The following TPR variants were observed in gnomAD, a reference collection of about 807,000 sequenced individuals.
TPR encodes nucleoprotein TPR.
A neutral mutation model predicts 316.1 loss-of-function variants in TPR; 51 were observed. The observed-to-expected ratio is 0.16, with a 90% CI of 0.13 to 0.20. TPR has a LOEUF of 0.20. Ranked by LOEUF, TPR falls within the 10% of genes least tolerant of loss-of-function variation. The probability of loss-of-function intolerance (pLI) is 1.00; values close to 1 mark genes in which losing one functional copy is unlikely to be tolerated. For missense variants in TPR, 2,272 were observed against 2,754.8 expected (o/e 0.82, Z 3.92); for synonymous variants, 981 against 914.7 (o/e 1.07, Z -1.31).
rs1658673888 is a variant in TPR at position 186,346,275 on chromosome 1, C to T, written c.2956G>A (p.Val986Met). 1 of 1,612,414 alleles carries T rather than the reference C, an allele frequency of 6.2e-7. No homozygotes were observed. The highest frequency in any genetic ancestry group is 8.5e-7 in the Non-Finnish European group (1 of 1,179,380). The change falls in exon 23 of 51, where the codon GTG (valine) becomes ATG (methionine). Residue 986 changes from valine (V) to methionine (M), a missense_variant. Physicochemically the swap from Val to Met is conservative, Grantham distance 21. Transcript: ENST00000367478. ...LNKEKQVTEE[V>M]RKNIEVRLKE... ...AAACGAACTTCAATATTCTTACGCA[C>T]TTCTTCTGTCACCTTTACCATATTA...
Position 186,331,559 on chromosome 1 carries a change from C to G in TPR, c.5627G>C (p.Ser1876Thr). ...GTEEEVMAEESTDGEVETQVY... is the reference protein window; with the variant it reads ...GTEEEVMAEETTDGEVETQVY... ...CTGAGTCTCTACCTCTCCATCAGTA[C>G]TTTCTTCTGCCATAACTTCTTCCTG... Residue 1876 changes from serine to threonine, a missense_variant, in exon 39 of 51, where the codon AGT becomes ACT. Ser to Thr is a moderately conservative substitution (Grantham distance 58, BLOSUM62 1). This residue lies in a region of TPR where 435 missense variants were observed against 461.1 expected (regional missense o/e 0.94). Transcript: ENST00000367478. 4 of 1,608,536 alleles carry G rather than the reference C, an allele frequency of 2.5e-6. No individual in the cohort carries two copies. Among genetic ancestry groups the G allele is most frequent in the Non-Finnish European group, 3.4e-6 (4 of 1,177,242 alleles).
intron 40 of TPR, 43 bp downstream of exon 40, chr1:186,327,417 T>C (rs763042886): frequency 1.9e-6 from 3 of 1,592,096 alleles, no homozygotes; most frequent in Admixed American, 1.7e-5. Flanking sequence ...AGCACTTTCA[T>C]CCAATAGTTT....
At chr1:186,346,921 G>T (rs1303892989) in intron 22 of TPR, among the ~76,000 whole-genome samples, 2 of 151,858 alleles carry the variant, frequency 1.3e-5, no homozygotes, top group Non-Finnish European at 2.9e-5. Flanking sequence ...CCATGGCTGA[G>T]GGTTCCCATC....
At chr1:186,360,417 C>T (rs1659150636) in intron 10 of TPR, 53 bp from the exon 11 acceptor site, 1 of 1,579,288 alleles carries the variant, frequency 6.3e-7, no homozygotes, top group African/African-American at 1.4e-5. Context: ...AAACTAAAAG[C>T]CATTAATAAT....
chr1:186,360,853 T>C lies in TPR; in HGVS notation c.1011A>G (p.Gln337=), dbSNP rs927352340. The change falls in exon 10 of 51, where the codon CAA becomes CAG. Residue 337 remains glutamine, a synonymous_variant. Transcript: ENST00000367478. ...HLLEVEQSKD[Q]MEKEMLEKIG... is the part of the protein sequence containing the mutation. ...TTTTCTCAAGCATTTCTTTTTCCAT[T>C]TGATCTTTGGATTGCTCCACCTCTA... is the stretch of plus-strand genomic sequence containing the variant. 2 of 1,612,888 alleles carry C rather than the reference T, an allele frequency of 1.2e-6. No homozygotes were observed. The highest frequency in any genetic ancestry group is 1.7e-6 in the Non-Finnish European group (2 of 1,179,334).
Position 186,313,013 on chromosome 1 carries a change from T to A in TPR, c.*958A>T, listed in dbSNP as rs538996915. On this transcript the variant is annotated 3_prime_UTR_variant, in exon 51 of 51. Coordinates refer to ENST00000367478, the MANE Select transcript of TPR (RefSeq NM_003292.3). ...GTGAGAAGTTACACTACGGTACTTATTCTAATTGCTGTGGAAAAGAGTTAA... is the reference window on the plus strand; with the variant it reads ...GTGAGAAGTTACACTACGGTACTTAATCTAATTGCTGTGGAAAAGAGTTAA... 3.7e-6 allele frequency: 4 copies of A among 1,088,066 alleles called. No individual in the cohort carries two copies. Among genetic ancestry groups the A allele is most frequent in the African/African-American group, 1.6e-5 (1 of 63,872 alleles). 67.4% of individuals were successfully genotyped at this position (1,088,066 alleles called of 1,614,324 possible). A position where few individuals can be genotyped will look rare whatever the true frequency, so the allele number is the denominator to read the frequency against.
At chr1:186,331,426 G>C in intron 39 of TPR, 72 bp downstream of exon 39, 1 of 1,001,346 alleles carries the variant, frequency 1.0e-6, no homozygotes, top group South Asian at 1.6e-5. Flanking sequence ...ACCAAATAAT[G>C]TTTCAATTTG....
intron 9 of TPR, among the ~76,000 whole-genome samples, chr1:186,361,273 A>G (rs1232950311): frequency 6.6e-6 from 1 of 152,040 alleles, no homozygotes; most frequent in African/African-American, 2.4e-5. Flanking sequence ...AAGACTTTAC[A>G]AAATGCAAAT....
chr1:186,360,725 G>A, intron 10 of TPR, 40 bp downstream of exon 10: 3 of 1,608,128 alleles, frequency 1.9e-6, no homozygotes. Context: ...TAGGAAAGCT[G>A]TAGTATTTCA....
chr1:186,372,370 T>C (rs970116446), intron 2 of TPR, among the ~76,000 whole-genome samples: 1 of 152,162 alleles, frequency 6.6e-6, no homozygotes, highest in Non-Finnish European at 1.5e-5. Context: ...GGCGAACCAC[T>C]GTATCTACTA....
rs188799664 is a variant in TPR at position 186,313,892 on chromosome 1, A to C, written c.*79T>G. 19 of 1,528,052 alleles carry C rather than the reference A, an allele frequency of 1.2e-5. No homozygotes were observed. Among genetic ancestry groups the C allele is most frequent in the Admixed American group, 1.7e-5 (1 of 59,518 alleles). 94.7% of individuals were successfully genotyped at this position (1,528,052 alleles called of 1,614,324 possible). On this transcript the variant is annotated 3_prime_UTR_variant, in exon 51 of 51. Transcript: ENST00000367478. ...ATGAGTATACCAGTTTATATATAAA[A>C]ATGTTTTTAAACTTGACAATCATTA...
rs1332488622 is a variant in TPR at position 186,317,599 on chromosome 1, T to C, written c.6823A>G (p.Ile2275Val). The change falls in exon 49 of 51, where the codon ATT (isoleucine) becomes GTT (valine). Residue 2275 changes from isoleucine (I) to valine (V), a missense_variant and splice_region_variant. Physicochemically the swap from Ile to Val is conservative, Grantham distance 29 (BLOSUM62 3). Around this residue, in one of 10 missense-constraint regions of TPR, gnomAD observed 123 missense variants for 142.3 expected, o/e 0.86. Coordinates refer to ENST00000367478, the MANE Select transcript of TPR (RefSeq NM_003292.3). ...EVFVEAESEG[I>V]SSEAGLEIDS... ...ATTTCTAGGCCTGCTTCTGAACTAA[T>C]ACTAAGGAAAAGAAAAATGAGAAAA... The C allele has an allele frequency of 1.9e-6, 3 of 1,613,364 alleles. No homozygotes were observed. The highest frequency in any genetic ancestry group is 1.7e-5 in the Admixed American group (1 of 59,914).
At chr1:186,373,225 T>A (rs1440636289) in intron 2 of TPR, 134 bp downstream of exon 2, 1 of 563,294 alleles carries the variant, frequency 1.8e-6, no homozygotes, top group African/African-American at 1.9e-5. Context: ...AATCAAAATA[T>A]CACCATAATA....
At chr1:186,324,685 TA>T (rs1657865120) in intron 42 of TPR, among the ~76,000 whole-genome samples, 1 of 152,188 alleles carries the variant, frequency 6.6e-6, no homozygotes, top group Admixed American at 6.5e-5. Flanking sequence ...CTACAAGAAT[TA>T]AACAATTCAA....
At chr1:186,343,074 G>T in intron 27 of TPR, 1 of 342,400 alleles carries the variant, frequency 2.9e-6, no homozygotes, top group Non-Finnish European at 5.2e-6. Flanking sequence ...CTAAGAGCAG[G>T]GAAGTTAAAC....
chr1:186,319,669 T>C (rs1200585490), intron 46 of TPR, among the ~76,000 whole-genome samples: 1 of 152,178 alleles, frequency 6.6e-6, no homozygotes, highest in African/African-American at 2.4e-5. Flanking sequence ...AGATTGAGCT[T>C]ATTGTAATAG....
At chr1:186,349,081 A>C (rs1479238425) in intron 21 of TPR, among the ~76,000 whole-genome samples, 1 of 152,196 alleles carries the variant, frequency 6.6e-6, no homozygotes, top group South Asian at 2.1e-4. Context: ...AATGCATTTA[A>C]TATACCTAAC....
At chr1:186,359,763 T>C (rs1370269071) in intron 12 of TPR, 36 bp downstream of exon 12, 1 of 1,561,204 alleles carries the variant, frequency 6.4e-7, no homozygotes, top group African/African-American at 1.4e-5. Flanking sequence ...CTCATTTGTA[T>C]TGTTACCACG....
intron 38 of TPR, among the ~76,000 whole-genome samples, chr1:186,331,790 CAATT>C (rs1290622452): frequency 6.6e-6 from 1 of 152,040 alleles, no homozygotes; most frequent in Non-Finnish European, 1.5e-5. Context: ...CATGCTAATA[CAATT>C]AATTTAGTAG....
Sources: gnomAD v4.1 joint callset for allele counts (sites outside exome capture counted in the v4.1 genomes callset) on GRCh38, gnomAD v4.1.1 for gene constraint, gnomAD v4.1.1 regional missense constraint, MANE v1.5 for transcripts, NCBI Gene and HGNC (gene_info 2026-07-23, HGNC 2026-07-21) for gene names.